SORCS2: variants seen among roughly 807,000 people sequenced by gnomAD.
The protein encoded by SORCS2 is sortilin related VPS10 domain containing receptor 2, also known as VPS10 domain-containing receptor SorCS2.
In SORCS2, 100 loss-of-function variants were observed where a neutral mutation model predicts 141.6. That is an observed-to-expected ratio of 0.71 (90% confidence interval 0.60 to 0.83). The LOEUF is 0.83. Ranked by LOEUF, SORCS2 falls within the 40% of genes least tolerant of loss-of-function variation. SORCS2 has a pLI of 0.00. For synonymous variants in SORCS2, 789 were observed against 676.9 expected, an observed-to-expected ratio of 1.17 and a Z score of -2.57; for missense variants, 1,646 against 1,560.2, an observed-to-expected ratio of 1.05 and a Z score of -0.93.
At chr4:7,704,320 A>C (rs766102556) in intron 14 of SORCS2, 36 bp downstream of exon 14, 13 of 1,558,198 alleles carry the variant, frequency 8.3e-6, no homozygotes, top group Admixed American at 1.8e-5. Context: ...CACTGGTGGC[A>C]GGGCAGAGCC....
intron 4 of SORCS2, among the ~76,000 whole-genome samples, chr4:7,651,402 G>A (rs946257378): frequency 1.3e-5 from 2 of 152,174 alleles, no homozygotes; most frequent in Non-Finnish European, 2.9e-5. Context: ...TCCTGGCATT[G>A]CTGTTAAGAG....
Position 7,612,277 on chromosome 4 carries a change from C to T in SORCS2, c.649-26051C>T, listed in dbSNP as rs10024418. Among the ~76,000 whole-genome samples, 6 of 152,068 alleles carry T rather than the reference C, an allele frequency of 3.9e-5. No homozygotes were observed. The South Asian group carries it at 6.2e-4, about 16-fold the overall frequency. On this transcript the variant is annotated intron_variant, in intron 3 of 26. Coordinates refer to ENST00000507866, the MANE Select transcript of SORCS2 (RefSeq NM_020777.3). ...TTGGGAGGTCACAGGGGTGAAAGGA[C>T]GGTGGCTTGGGTCTGGGGGGAAGGA... is the stretch of plus-strand genomic sequence containing the variant.
intron 2 of SORCS2, among the ~76,000 whole-genome samples, chr4:7,527,124 G>A (rs1206942052): frequency 2.0e-5 from 3 of 152,032 alleles, no homozygotes; most frequent in East Asian, 1.9e-4. Context: ...ACCCACCTCC[G>A]GCCGCCCTGT....
chr4:7,561,606 A>G (rs1162308429), intron 3 of SORCS2, among the ~76,000 whole-genome samples: 2 of 146,766 alleles, frequency 1.4e-5, no homozygotes, highest in Non-Finnish European at 3.0e-5. Context: ...CTATCCATCT[A>G]TCTACCCATC....
chr4:7,737,480 G>T (rs144536370), intron 26 of SORCS2, among the ~76,000 whole-genome samples: 1 of 152,278 alleles, frequency 6.6e-6, no homozygotes, highest in African/African-American at 2.4e-5. Flanking sequence ...GGGAAACAGG[G>T]CTGGCTTTGA....
At chr4:7,727,140 G>T (rs1202245656) in intron 21 of SORCS2, among the ~76,000 whole-genome samples, 2 of 152,168 alleles carry the variant, frequency 1.3e-5, no homozygotes, top group African/African-American at 4.8e-5. Context: ...CAAATCCTGT[G>T]TCCCAAGACA....
intron 3 of SORCS2, among the ~76,000 whole-genome samples, chr4:7,589,892 G>A (rs1009413658): frequency 6.6e-6 from 1 of 152,226 alleles, no homozygotes; most frequent in Admixed American, 6.5e-5. Flanking sequence ...GTCATATCTA[G>A]AGCAGCGCAA....
rs189197555 is a variant in SORCS2 at position 7,233,838 on chromosome 4, G to T, written c.480+40712G>T. On this transcript the variant is annotated intron_variant, in intron 1 of 26. Coordinates refer to ENST00000507866, the MANE Select transcript of SORCS2 (RefSeq NM_020777.3). This position sits in a 1 kb window ranked among gnomAD's most constrained non-coding sequence, Gnocchi z 4.5. ...GCCGTGGTGCAAACATCAGAGGGTGGTGGGGAGGAGTCTGAGGTTTGCACT... is the reference window on the plus strand; with the variant it reads ...GCCGTGGTGCAAACATCAGAGGGTGTTGGGGAGGAGTCTGAGGTTTGCACT... Among the ~76,000 whole-genome samples, 1 of 152,164 alleles carries T rather than the reference G, an allele frequency of 6.6e-6. No homozygotes were observed. The highest frequency in any genetic ancestry group is 1.9e-4 in the East Asian group (1 of 5,192).
intron 3 of SORCS2, among the ~76,000 whole-genome samples, chr4:7,593,779 T>A (rs1717074966): frequency 1.3e-5 from 2 of 152,166 alleles, no homozygotes; most frequent in Non-Finnish European, 2.9e-5. Context: ...GTAACTTACT[T>A]TACAGAAATT....
intron 1 of SORCS2, among the ~76,000 whole-genome samples, chr4:7,349,228 G>A (rs1411734472): frequency 2.0e-5 from 3 of 152,190 alleles, no homozygotes; most frequent in South Asian, 2.1e-4. Context: ...CTGTCTCATT[G>A]CAACACTCAT....
Position 7,360,437 on chromosome 4 carries a change from G to A in SORCS2, c.481-35851G>A, listed in dbSNP as rs181407324. Among the ~76,000 whole-genome samples the A allele has an allele frequency of 4.8e-3, 726 of 152,028 alleles. 4 individuals carry two copies. Among genetic ancestry groups the A allele is most frequent in the Non-Finnish European group, 7.7e-3 (524 of 67,978 alleles). ...CCTACCTCCCATGACCGGAGCTTAG[G>A]CCCCTGTGAGCCATTCCATCCTGGG... is the stretch of plus-strand genomic sequence containing the variant. On this transcript the variant is annotated intron_variant, in intron 1 of 26. Coordinates refer to ENST00000507866, the MANE Select transcript of SORCS2 (RefSeq NM_020777.3).
rs988790695 is a variant in SORCS2, at chr4:7,336,336, G to A, written c.481-59952G>A. 2.6e-5 allele frequency among the ~76,000 whole-genome samples: 4 copies of A among 152,306 alleles called. No homozygotes were observed. In the East Asian group the frequency reaches 7.7e-4, roughly 29 times the overall value. On this transcript the variant is annotated intron_variant, in intron 1 of 26. Coordinates refer to ENST00000507866, the MANE Select transcript of SORCS2 (RefSeq NM_020777.3). The stretch of plus-strand genomic sequence containing the variant: ...CTGGGTGGCGGTGTCTCCCAGTGGA[G>A]AGCTCTGAGACTGCGACTGCTGTCC...
intron 3 of SORCS2, among the ~76,000 whole-genome samples, chr4:7,559,070 G>C (rs561079407): frequency 1.3e-5 from 2 of 152,268 alleles, no homozygotes; most frequent in Admixed American, 6.5e-5. Context: ...CTTGTTGGGG[G>C]ATGAGTCCCC....
intron 1 of SORCS2, among the ~76,000 whole-genome samples, chr4:7,274,089 G>A (rs1356770881): frequency 6.6e-6 from 1 of 152,198 alleles, no homozygotes; most frequent in East Asian, 1.9e-4. Flanking sequence ...TATGAACTCA[G>A]CAATGTTCCC....
chr4:7,268,116 C>T lies in SORCS2; in HGVS notation c.480+74990C>T, dbSNP rs1450127706. Among the ~76,000 whole-genome samples, 3 of 152,212 alleles carry T rather than the reference C, an allele frequency of 2.0e-5. No individual in the cohort carries two copies. In the East Asian group the frequency reaches 5.8e-4, roughly 29 times the overall value. On this transcript the variant is annotated intron_variant, in intron 1 of 26. Transcript: ENST00000507866. ...GGCCCCGGGCCCCTGGAGCTCCCTTCTCCCCTTGTGGGGCAGTCCATGGCC... is the reference window on the plus strand; with the variant it reads ...GGCCCCGGGCCCCTGGAGCTCCCTTTTCCCCTTGTGGGGCAGTCCATGGCC...
At chr4:7,740,079 C>T (rs553480180) in intron 26 of SORCS2, 121 bp from the exon 27 acceptor site, 96 of 775,154 alleles carry the variant, frequency 1.2e-4, no homozygotes, top group African/African-American at 3.6e-4. Context: ...CTGAAGGAAG[C>T]CAGGGAGGCC....
At chr4:7,370,327 G>A (rs1233727716) in intron 1 of SORCS2, among the ~76,000 whole-genome samples, 1 of 152,224 alleles carries the variant, frequency 6.6e-6, no homozygotes, top group Non-Finnish European at 1.5e-5. Context: ...GGGGGCAGAG[G>A]CAGAGGAGAT....
At chr4:7,561,115 G>A (rs1714507588) in intron 3 of SORCS2, among the ~76,000 whole-genome samples, 1 of 152,160 alleles carries the variant, frequency 6.6e-6, no homozygotes, top group Non-Finnish European at 1.5e-5. Context: ...CAGAAGCTGG[G>A]TGTCATTCAT....
In SORCS2 at chr4:7,661,429, G is replaced by T. The variant is rs1362104884; in HGVS notation, c.888-71G>T. 11 of 1,501,812 alleles carry T rather than the reference G, an allele frequency of 7.3e-6. No individual in the cohort carries two copies. In the South Asian group the frequency reaches 8.4e-5, roughly 12 times the overall value. The allele number at this position is 1,501,812 out of a possible 1,614,324, so 93.0% of individuals were successfully genotyped here. The stretch of plus-strand genomic sequence containing the variant: ...CAGGGAGGCCACGTGGCTGCAGGGA[G>T]TGTGGGGAGCAGCTGGGGGACGGGC... On this transcript the variant is annotated intron_variant, in intron 5 of 26. Transcript: ENST00000507866.
Sources: allele counts gnomAD v4.1 joint callset (sites outside exome capture counted in the v4.1 genomes callset), GRCh38; gene constraint gnomAD v4.1.1; non-coding constraint Gnocchi (gnomAD v3.1); transcripts MANE v1.5; gene names NCBI Gene and HGNC (gene_info 2026-07-23, HGNC 2026-07-21).